Variants in ATOH8 observed in about 807,000 individuals in gnomAD.
The protein encoded by ATOH8 is atonal bHLH transcription factor 8.
In ATOH8, 9 loss-of-function variants were observed where a neutral mutation model predicts 21.2. The observed-to-expected ratio is 0.42, with a 90% CI of 0.26 to 0.74. ATOH8 has a LOEUF of 0.74. Among genes scored for constraint, ATOH8 ranks in the 30% least tolerant of loss-of-function variants. The probability of loss-of-function intolerance (pLI) is 0.24; values close to 1 mark genes in which losing one functional copy is unlikely to be tolerated. For synonymous variants in ATOH8, 253 were observed against 224.0 expected (o/e 1.13, Z -1.16); for missense variants, 524 against 470.9 (o/e 1.11, Z -1.04).
At chr2:85,774,287 G>A in intron 2 of ATOH8, 2 of 985,602 alleles carry the variant, frequency 2.0e-6, no homozygotes, top group Non-Finnish European at 2.4e-6. Context: ...GAGGACAAGA[G>A]GAAGAGGAGG....
chr2:85,765,701 C>T (rs1168454671), intron 2 of ATOH8, among the ~76,000 whole-genome samples: 1 of 152,174 alleles, frequency 6.6e-6, no homozygotes, highest in African/African-American at 2.4e-5. Context: ...ACTGCCCTAC[C>T]CCCGCACCCT....
At chr2:85,784,260 G>C (rs1186540558) in intron 2 of ATOH8, among the ~76,000 whole-genome samples, 1 of 152,144 alleles carries the variant, frequency 6.6e-6, no homozygotes, top group Non-Finnish European at 1.5e-5. Context: ...AAATCAGTTG[G>C]GAAGGCTGGC....
chr2:85,760,378 G>A (rs1227877745), intron 1 of ATOH8, among the ~76,000 whole-genome samples: 1 of 151,926 alleles, frequency 6.6e-6, no homozygotes, highest in African/African-American at 2.4e-5. Flanking sequence ...GTGGGCTCTG[G>A]GCCTTGCTGT....
chr2:85,775,782 G>A (rs1680305395), intron 2 of ATOH8, among the ~76,000 whole-genome samples: 1 of 152,192 alleles, frequency 6.6e-6, no homozygotes, highest in Non-Finnish European at 1.5e-5. Flanking sequence ...CTGTCAGCTG[G>A]GAGGGCAACA....
Position 85,786,997 on chromosome 2 carries a change from C to T in ATOH8, c.*107C>T, listed in dbSNP as rs1280712195. ...AGCCTCGTGGTCTTCTCCAAGATGC[C>T]GCCAGATGCCCAGCCTACAGCCTCT... On this transcript the variant is annotated 3_prime_UTR_variant, in exon 3 of 3. Coordinates refer to ENST00000306279, the MANE Select transcript of ATOH8 (RefSeq NM_032827.7). The T allele has an allele frequency of 2.8e-6, 4 of 1,452,266 alleles. No individual in the cohort carries two copies. Among genetic ancestry groups the T allele is most frequent in the Non-Finnish European group, 2.9e-6 (3 of 1,047,062 alleles). 90.0% of individuals were successfully genotyped at this position (1,452,266 alleles called of 1,614,324 possible).
chr2:85,754,991 C>T (rs1195539574), intron 1 of ATOH8, 34 bp downstream of exon 1: 2 of 1,549,848 alleles, frequency 1.3e-6, no homozygotes, highest in Admixed American at 1.9e-5. Context: ...CTCACTGCGC[C>T]GGGGGACGAC....
intron 2 of ATOH8, among the ~76,000 whole-genome samples, chr2:85,781,748 T>G: frequency 6.6e-6 from 1 of 151,840 alleles, no homozygotes; most frequent in East Asian, 1.9e-4. Context: ...TGTGGTGGCA[T>G]GAGCCTGTGG....
At chr2:85,762,773 G>C (rs1272011991) in intron 1 of ATOH8, among the ~76,000 whole-genome samples, 1 of 152,088 alleles carries the variant, frequency 6.6e-6, no homozygotes, top group African/African-American at 2.4e-5. Flanking sequence ...CGACATTTGG[G>C]GGCAGGTAGT....
intron 2 of ATOH8, among the ~76,000 whole-genome samples, chr2:85,770,626 G>A (rs1680155548): frequency 6.6e-6 from 1 of 152,200 alleles, no homozygotes; most frequent in Non-Finnish European, 1.5e-5. Flanking sequence ...AGTCTGGCAG[G>A]GCCTGGGCTG....
intron 1 of ATOH8, among the ~76,000 whole-genome samples, chr2:85,762,345 AGAGAGAGGAAAG>A (rs1364172920): frequency 6.6e-6 from 1 of 152,246 alleles, no homozygotes; most frequent in Non-Finnish European, 1.5e-5. Context: ...CTTCATCATC[AGAGAGAGGAAAG>A]GTGTTTGAGC....
At chr2:85,763,665 A>G (rs1438933047) in intron 1 of ATOH8, among the ~76,000 whole-genome samples, 1 of 152,166 alleles carries the variant, frequency 6.6e-6, no homozygotes, top group Admixed American at 6.5e-5. Flanking sequence ...AATCTCAGAG[A>G]GATTCCTCCT....
intron 1 of ATOH8, among the ~76,000 whole-genome samples, chr2:85,756,402 C>G (rs1028948426): frequency 2.6e-5 from 4 of 152,148 alleles, no homozygotes; most frequent in Non-Finnish European, 5.9e-5. Flanking sequence ...CAGAGAGATG[C>G]CTGTCCACCT....
intron 2 of ATOH8, among the ~76,000 whole-genome samples, chr2:85,784,629 A>C (rs1165512864): frequency 6.6e-6 from 1 of 152,208 alleles, no homozygotes; most frequent in East Asian, 1.9e-4. Flanking sequence ...TGACATGCTA[A>C]TACATACAGT....
intron 2 of ATOH8, 61 bp downstream of exon 2, chr2:85,764,243 C>G: frequency 6.3e-7 from 1 of 1,591,048 alleles, no homozygotes; most frequent in Non-Finnish European, 8.6e-7. Flanking sequence ...GGGACAGGAA[C>G]TTGGGGGTGC....
At chr2:85,786,759 T>C (rs1159967039) in intron 2 of ATOH8, 126 bp from the exon 3 acceptor site, 5 of 1,265,264 alleles carry the variant, frequency 4.0e-6, no homozygotes, top group Non-Finnish European at 4.6e-6. Context: ...CTCTTCCACT[T>C]ATCGAACCCT....
intron 2 of ATOH8, among the ~76,000 whole-genome samples, chr2:85,772,419 C>T (rs1198701322): frequency 6.6e-6 from 1 of 152,208 alleles, no homozygotes; most frequent in Non-Finnish European, 1.5e-5. Flanking sequence ...GGCCCCCCCT[C>T]CTGGCAGCCC....
intron 1 of ATOH8, among the ~76,000 whole-genome samples, chr2:85,757,285 C>G (rs1428441504): frequency 1.3e-5 from 2 of 152,278 alleles, no homozygotes; most frequent in Non-Finnish European, 2.9e-5. Flanking sequence ...CTCCTCACCA[C>G]CATGGCACCC....
chr2:85,769,428 C>T (rs928309538), intron 2 of ATOH8, among the ~76,000 whole-genome samples: 8 of 152,194 alleles, frequency 5.3e-5, no homozygotes, highest in Admixed American at 5.2e-4. Context: ...GCTGGGAAGG[C>T]GGGGTCTGCA....
intron 1 of ATOH8, among the ~76,000 whole-genome samples, chr2:85,755,249 G>A (rs952018496): frequency 8.5e-5 from 13 of 152,336 alleles, no homozygotes; most frequent in African/African-American, 3.1e-4. Context: ...TTATGGCAGC[G>A]AGTATTTGCC....
Sources: gnomAD v4.1 joint callset for allele counts (sites outside exome capture counted in the v4.1 genomes callset) on GRCh38, gnomAD v4.1.1 for gene constraint, MANE v1.5 for transcripts, NCBI Gene and HGNC (gene_info 2026-07-23, HGNC 2026-07-21) for gene names.